UNC80: variants seen among roughly 807,000 people sequenced by gnomAD.
The protein encoded by UNC80 is protein unc-80 homolog.
Under a neutral mutation model 384.6 loss-of-function variants are expected in UNC80, and 164 were observed. That is an observed-to-expected ratio of 0.43 (90% confidence interval 0.38 to 0.49). The LOEUF (loss-of-function observed/expected upper bound fraction) is 0.49, where lower values mean the gene tolerates loss of function less well. Ranked by LOEUF, UNC80 falls within the 20% of genes least tolerant of loss-of-function variation. The probability of loss-of-function intolerance (pLI) is 0.00; values close to 1 mark genes in which losing one functional copy is unlikely to be tolerated. For synonymous variants in UNC80, 1,486 were observed against 1,527.8 expected, an observed-to-expected ratio of 0.97 and a Z score of 0.64; for missense variants, 3,330 against 4,143.0, an observed-to-expected ratio of 0.80 and a Z score of 5.39.
In UNC80 at chr2:209,937,557, G is replaced by A. The variant is rs1185194751; in HGVS notation, c.6392G>A (p.Arg2131Gln). The A allele has an allele frequency of 8.4e-6, 13 of 1,551,374 alleles. No homozygotes were observed. Among genetic ancestry groups the A allele is most frequent in the Non-Finnish European group, 1.0e-5 (12 of 1,146,634 alleles). The change falls in exon 42 of 65, where the codon CGG (arginine) becomes CAG (glutamine). Residue 2131 changes from arginine to glutamine, a missense_variant. This residue lies in a region of UNC80 where 1,049 missense variants were observed against 1,488.6 expected (regional missense o/e 0.70). Transcript: ENST00000673920. The part of the protein sequence containing the change: ...KTYVRDIYPF[R>Q]RSVSPQLNLV... ...TATGTTCGAGATATTTATCCTTTCC[G>A]GAGGTCAGTATCTCCCCAGCTGAAT... is the stretch of plus-strand genomic sequence containing the variant.
At position 209,977,018 on chromosome 2, in the gene UNC80, C is replaced by T. The variant is rs1185842248; in HGVS notation, c.8878C>T (p.Leu2960Phe). ...ACCACGCCCTTTGTGTAAGAGCTCG[C>T]TCATTGCTGAGTTCAACAGTGAACT... ...FIPRPLCKSSLIAEFNSELKI... is the reference protein window; with the variant it reads ...FIPRPLCKSSFIAEFNSELKI... Residue 2960 changes from leucine to phenylalanine, a missense_variant, in exon 58 of 65, where the codon CTC (leucine) becomes TTC (phenylalanine). Physicochemically the swap from Leu to Phe is conservative, Grantham distance 22. Around this residue, in one of 8 missense-constraint regions of UNC80, gnomAD observed 216 missense variants for 245.3 expected, o/e 0.88. Transcript: ENST00000673920. The T allele has an allele frequency of 3.3e-6, 5 of 1,538,412 alleles. No homozygotes were observed. Among genetic ancestry groups the T allele is most frequent in the Non-Finnish European group, 4.4e-6 (5 of 1,135,930 alleles).
intron 26 of UNC80, among the ~76,000 whole-genome samples, chr2:209,892,988 A>G (rs2086485901): frequency 6.6e-6 from 1 of 152,234 alleles, no homozygotes; most frequent in Non-Finnish European, 1.5e-5. Context: ...ATCTTTCTCC[A>G]TCACAACAGT....
chr2:209,993,461 T>C, intron 63 of UNC80, 35 bp downstream of exon 63: 1 of 1,522,584 alleles, frequency 6.6e-7, no homozygotes. Context: ...ACTATACCAT[T>C]GACATGATGC....
Position 209,978,518 on chromosome 2 carries a change from G to A in UNC80, c.8939-11G>A, listed in dbSNP as rs369199451. The A allele has an allele frequency of 1.5e-5, 23 of 1,521,040 alleles. No individual in the cohort carries two copies. The highest frequency in any genetic ancestry group is 6.0e-5 in the Admixed American group (3 of 50,210). 94.2% of individuals were successfully genotyped at this position (1,521,040 alleles called of 1,614,324 possible). On this transcript the variant is annotated splice_polypyrimidine_tract_variant and intron_variant, in intron 58 of 64. Transcript: ENST00000673920. ...CACCATGCATTTCCTTTGGTCTCTC[G>A]CATCCTCTAGCCTACCAAGGCAAGA...
intron 20 of UNC80, 94 bp downstream of exon 20, chr2:209,840,742 A>G (rs2081676404): frequency 3.0e-6 from 3 of 1,002,728 alleles, no homozygotes; most frequent in Non-Finnish European, 3.0e-6. Context: ...GGGGCCAAAT[A>G]AGGAAAAGCT....
intron 22 of UNC80, among the ~76,000 whole-genome samples, chr2:209,870,991 A>G (rs1165129338): frequency 6.6e-6 from 1 of 152,196 alleles, no homozygotes. Flanking sequence ...AGTTGACATA[A>G]TTGGACCATA....
At chr2:209,828,460 A>G (rs896649833) in intron 14 of UNC80, among the ~76,000 whole-genome samples, 3 of 152,190 alleles carry the variant, frequency 2.0e-5, no homozygotes, top group African/African-American at 4.8e-5. Flanking sequence ...ACAAAGTTAT[A>G]CCAAGAAGCC....
chr2:209,834,669 T>G (rs976054216), intron 17 of UNC80, among the ~76,000 whole-genome samples: 1 of 152,326 alleles, frequency 6.6e-6, no homozygotes, highest in African/African-American at 2.4e-5. Flanking sequence ...ACTCCTAAAC[T>G]TAAAATCCTG....
Position 209,995,392 on chromosome 2 carries a change from G to C in UNC80, c.9772G>C (p.Ala3258Pro), listed in dbSNP as rs766486101. The change falls in exon 65 of 65, where the codon GCA becomes CCA. Residue 3258 changes from alanine to proline, a missense_variant. Coordinates refer to ENST00000673920, the MANE Select transcript of UNC80 (RefSeq NM_001371986.1). ...GGACACAGAAGCACAAGGTGCTACT[G>C]CACACAGTCCACTCTCTGCCCAACT... Reference protein sequence around the residue: ...EEDTEAQGATAHSPLSAQLSD... With the variant: ...EEDTEAQGATPHSPLSAQLSD... 2 of 1,551,954 alleles carry C rather than the reference G, an allele frequency of 1.3e-6. No homozygotes were observed. Among genetic ancestry groups the C allele is most frequent in the African/African-American group, 2.7e-5 (2 of 73,058 alleles).
rs563560541 is a variant in UNC80, at chr2:209,854,270, T to C, written c.3627+4647T>C. ...ATAACAAAACTAAACTATCAAATTG[T>C]CCTCTTAATCTAGTGGTAATGAATT... On this transcript the variant is annotated intron_variant, in intron 22 of 64. Transcript: ENST00000673920. 2.3e-3 allele frequency among the ~76,000 whole-genome samples: 345 copies of C among 150,710 alleles called. 4 individuals are homozygous for C. The highest frequency in any genetic ancestry group is 8.2e-3 in the African/African-American group (327 of 40,076).
At chr2:209,840,720 C>A in intron 20 of UNC80, 72 bp downstream of exon 20, 4 of 1,259,028 alleles carry the variant, frequency 3.2e-6, no homozygotes, top group Non-Finnish European at 4.5e-6. Flanking sequence ...TGAGAAATAG[C>A]AAACACCTGC....
intron 14 of UNC80, 63 bp from the exon 15 acceptor site, chr2:209,829,169 C>G: frequency 1.3e-6 from 2 of 1,532,170 alleles, no homozygotes; most frequent in Non-Finnish European, 1.8e-6. Flanking sequence ...CTGTCTCAGA[C>G]TACCAGTATC....
At chr2:209,804,179 C>T (rs1019550388) in intron 7 of UNC80, among the ~76,000 whole-genome samples, 7 of 152,178 alleles carry the variant, frequency 4.6e-5, no homozygotes, top group African/African-American at 1.2e-4. Flanking sequence ...GCACCAAACA[C>T]GCCCAACATA....
intron 59 of UNC80, among the ~76,000 whole-genome samples, chr2:209,981,183 AT>A (rs2093148021): frequency 6.6e-6 from 1 of 152,264 alleles, no homozygotes; most frequent in African/African-American, 2.4e-5. Flanking sequence ...ATCAAAGAAT[AT>A]TAGTGTTCAT....
At chr2:209,873,091 AAGGAAACACTTTGGGAAAAAAT>A in intron 23 of UNC80, 121 bp downstream of exon 23, 1 of 896,456 alleles carries the variant, frequency 1.1e-6, no homozygotes, top group South Asian at 1.7e-5. Context: ...CCAGGTACTG[AAGGAAACACTTTGGGAAAAAAT>A]AAGCAACTCA....
intron 39 of UNC80, among the ~76,000 whole-genome samples, chr2:209,935,046 G>T (rs966228241): frequency 6.6e-6 from 1 of 152,178 alleles, no homozygotes; most frequent in Non-Finnish European, 1.5e-5. Flanking sequence ...TACAGAAAAT[G>T]TAGCTTTCAG....
Position 209,781,187 on chromosome 2 carries a change from T to C in UNC80, c.600+3628T>C, listed in dbSNP as rs557627858. The stretch of plus-strand genomic sequence containing the variant: ...CCTCCCATTTACTTACTCTTCAATC[T>C]CTTATTCTTGCTTCTATTTGCCTCT... On this transcript the variant is annotated intron_variant, in intron 4 of 64. Transcript: ENST00000673920. Among the ~76,000 whole-genome samples the C allele has an allele frequency of 3.3e-5, 5 of 152,284 alleles. No individual in the cohort carries two copies. The East Asian group carries it at 9.7e-4, about 29-fold the overall frequency.
chr2:209,846,729 A>C (rs1298896085), intron 21 of UNC80, among the ~76,000 whole-genome samples: 1 of 152,156 alleles, frequency 6.6e-6, no homozygotes, highest in African/African-American at 2.4e-5. Flanking sequence ...AGGCTAAAAA[A>C]GTAATCGTTA....
At position 209,957,061 on chromosome 2, in the gene UNC80, T is replaced by C. The variant is rs146816434; in HGVS notation, c.7458-583T>C. On this transcript the variant is annotated intron_variant, in intron 48 of 64. Coordinates refer to ENST00000673920, the MANE Select transcript of UNC80 (RefSeq NM_001371986.1). ...AATTTTACCTATTATTTGAAGTAAA[T>C]CTGGCAGATATAAAATGAGATGATT... Among the ~76,000 whole-genome samples the C allele has an allele frequency of 1.0e-3, 152 of 152,336 alleles. 1 individual carries two copies. Among genetic ancestry groups the C allele is most frequent in the African/African-American group, 3.6e-3 (150 of 41,582 alleles).
Sources: gnomAD v4.1 joint callset for allele counts (sites outside exome capture counted in the v4.1 genomes callset) on GRCh38, gnomAD v4.1.1 for gene constraint, gnomAD v4.1.1 regional missense constraint, MANE v1.5 for transcripts, NCBI Gene and HGNC (gene_info 2026-07-23, HGNC 2026-07-21) for gene names.